ZNF740: variants seen among roughly 807,000 people sequenced by gnomAD.
ZNF740 encodes zinc finger protein 740, also known as oriLyt TD-element-binding protein 7.
A neutral mutation model predicts 24.8 loss-of-function variants in ZNF740; 14 were observed. The ratio of observed to expected loss-of-function variants is 0.56; its 90% CI spans 0.37 to 0.88. The LOEUF (loss-of-function observed/expected upper bound fraction) is 0.88, where lower values mean the gene tolerates loss of function less well. Among genes scored for constraint, ZNF740 ranks in the 40% least tolerant of loss-of-function variants. The pLI, the probability that ZNF740 is intolerant of heterozygous loss-of-function variation, is 0.00. For synonymous variants in ZNF740, 69 were observed against 84.0 expected (o/e 0.82, Z 0.98); for missense variants, 201 against 247.9 (o/e 0.81, Z 1.27).
At position 53,188,015 on chromosome 12, in the gene ZNF740, C is replaced by T; in HGVS notation, c.*425C>T. ...AACTTCAGCGGGTAAACTGTGGATA[C>T]AGGTAATCCAGAGGCATAAGAGTCC... is the stretch of plus-strand genomic sequence containing the variant. On this transcript the variant is annotated 3_prime_UTR_variant, in exon 7 of 7. Transcript: ENST00000416904. The T allele has an allele frequency of 5.2e-6, 1 of 191,624 alleles. No homozygotes were observed. The highest frequency in any genetic ancestry group is 1.0e-4 in the South Asian group (1 of 9,778). 11.9% of individuals were successfully genotyped at this position (191,624 alleles called of 1,614,324 possible). A position where few individuals can be genotyped will look rare whatever the true frequency, so the allele number is the denominator to read the frequency against.
rs368404777 is a variant in ZNF740, at chr12:53,187,569, C to T, written c.561C>T (p.Ser187=). The change falls in exon 7 of 7, where the codon TCC becomes TCT. Residue 187 remains serine (S), a synonymous_variant. Coordinates refer to ENST00000416904, the MANE Select transcript of ZNF740 (RefSeq NM_001004304.4). ...GCCAAGGGTGCCAGTCCAAGACTTC[C>T]GACGGGCAGTTTTCTCTATAGGCGC... The part of the protein sequence containing the change: ...RMCQGCQSKT[S]DGQFSL 3.8e-5 allele frequency: 61 copies of T among 1,613,828 alleles called. No homozygotes were observed. The highest frequency in any genetic ancestry group is 4.4e-5 in the South Asian group (4 of 91,080).
Position 53,192,391 on chromosome 12 carries a change from G to C in ZNF740, c.*4801G>C, listed in dbSNP as rs764232355. 9 of 1,614,000 alleles carry C rather than the reference G, an allele frequency of 5.6e-6. No individual in the cohort carries two copies. The highest frequency in any genetic ancestry group is 3.3e-5 in the Admixed American group (2 of 59,998). On this transcript the variant is annotated 3_prime_UTR_variant, in exon 7 of 7. Transcript: ENST00000416904. ...TGGCGTCATCCTCCACCAAGAAGAAGAACAGCTGGTTGTCCAGGGTCCGCT... is the reference window on the plus strand; with the variant it reads ...TGGCGTCATCCTCCACCAAGAAGAACAACAGCTGGTTGTCCAGGGTCCGCT...
At position 53,192,340 on chromosome 12, in the gene ZNF740, T is replaced by A. The variant is rs954588399; in HGVS notation, c.*4750T>A. On this transcript the variant is annotated 3_prime_UTR_variant, in exon 7 of 7. Transcript: ENST00000416904. ...TCCCTGCCCACTTACTTTCTTGGGG[T>A]CTCACTCTGAGCACGACCGTGCCTC... is the stretch of plus-strand genomic sequence containing the variant. The A allele has an allele frequency of 3.7e-6, 6 of 1,613,642 alleles. No homozygotes were observed. The African/African-American group carries it at 5.3e-5, about 14-fold the overall frequency.
Position 53,187,578 on chromosome 12 carries a change from G to T in ZNF740, c.570G>T (p.Gln190His), listed in dbSNP as rs1941848183. Residue 190 changes from glutamine to histidine, a missense_variant, in exon 7 of 7, where the codon CAG (glutamine) becomes CAT (histidine). Physicochemically the swap from Gln to His is conservative, Grantham distance 24. This residue lies in a region of ZNF740 where 24 missense variants were observed against 17.8 expected (regional missense o/e 1.35). Coordinates refer to ENST00000416904, the MANE Select transcript of ZNF740 (RefSeq NM_001004304.4). ...GCCAGTCCAAGACTTCCGACGGGCA[G>T]TTTTCTCTATAGGCGCAAGGGGCCC... ...QGCQSKTSDG[Q>H]FSL The T allele has an allele frequency of 6.2e-7, 1 of 1,613,860 alleles. No individual in the cohort carries two copies. The highest frequency in any genetic ancestry group is 1.3e-5 in the African/African-American group (1 of 74,928).
In ZNF740 at chr12:53,186,284, A is replaced by T. The variant is rs878909970; in HGVS notation, c.374-107A>T. The T allele has an allele frequency of 3.3e-6, 4 of 1,195,786 alleles. No individual in the cohort carries two copies. In the South Asian group the frequency reaches 5.8e-5, roughly 17 times the overall value. The allele number at this position is 1,195,786 out of a possible 1,614,324, so 74.1% of individuals were successfully genotyped here. ...TGGGGACCTCTCCCCATTTATGATC[A>T]CTTAGGTGTCTACACATTACTAAGA... is the stretch of plus-strand genomic sequence containing the variant. On this transcript the variant is annotated intron_variant, in intron 5 of 6. Coordinates refer to ENST00000416904, the MANE Select transcript of ZNF740 (RefSeq NM_001004304.4).
In ZNF740 at chr12:53,182,003, C is replaced by T; in HGVS notation, c.9+11C>T. 1 of 1,607,252 alleles carries T rather than the reference C, an allele frequency of 6.2e-7. No individual in the cohort carries two copies. Among genetic ancestry groups the T allele is most frequent in the South Asian group, 1.1e-5 (1 of 89,464 alleles). The stretch of plus-strand genomic sequence containing the variant: ...ATCAGCATGGCTCAGGTAAAAAGCT[C>T]TAGAGTCCTCCTCCAAGATAACTGG... On this transcript the variant is annotated intron_variant, in intron 2 of 6. Transcript: ENST00000416904.
intron 4 of ZNF740, 101 bp downstream of exon 4, chr12:53,185,577 T>A (rs1365433231): frequency 1.8e-6 from 2 of 1,111,326 alleles, no homozygotes; most frequent in African/African-American, 3.1e-5. Context: ...CCCTAGATGC[T>A]TTGATCTCTG....
In ZNF740 at chr12:53,181,914, G is replaced by C; in HGVS notation, c.-70G>C. The C allele has an allele frequency of 6.4e-7, 1 of 1,574,608 alleles. No homozygotes were observed. Among genetic ancestry groups the C allele is most frequent in the Non-Finnish European group, 8.6e-7 (1 of 1,158,142 alleles). ...TGATTTGGTGACAGTTCTTCAAAACGACAGTGTCTCAAGGAAAGGTGGACC... is the reference window on the plus strand; with the variant it reads ...TGATTTGGTGACAGTTCTTCAAAACCACAGTGTCTCAAGGAAAGGTGGACC... On this transcript the variant is annotated 5_prime_UTR_variant, in exon 2 of 7. Transcript: ENST00000416904.
chr12:53,181,411 C>G, intron 1 of ZNF740: 1 of 985,462 alleles, frequency 1.0e-6, no homozygotes. Flanking sequence ...CCCCCTTCTT[C>G]CATTCCTGAG....
At position 53,192,947 on chromosome 12, in the gene ZNF740, CCA is replaced by C. The variant is rs759211981; in HGVS notation, c.*5366_*5367del. 6.3e-7 allele frequency: 1 copy of C among 1,590,428 alleles called. No homozygotes were observed. The highest frequency in any genetic ancestry group is 8.6e-7 in the Non-Finnish European group (1 of 1,160,228). ...CCATGCAGAGGGTGACAACCATACTCCACACACACAGTTGGCCATCATGTGGC... is the reference window on the plus strand; with the variant it reads ...CCATGCAGAGGGTGACAACCATACTCCACACACAGTTGGCCATCATGTGGC... On this transcript the variant is annotated 3_prime_UTR_variant, in exon 7 of 7. Transcript: ENST00000416904.
chr12:53,193,313 A>T lies in ZNF740; in HGVS notation c.*5723A>T, dbSNP rs1942035098. On this transcript the variant is annotated 3_prime_UTR_variant, in exon 7 of 7. Transcript: ENST00000416904. ...CCCAGATTCCAGGTCTGGGGAGGAC[A>T]GCTCTGCCACAGAGCACTCACAGAG... is the stretch of plus-strand genomic sequence containing the variant. The T allele has an allele frequency of 6.2e-7, 1 of 1,609,952 alleles. No individual in the cohort carries two copies. The highest frequency in any genetic ancestry group is 1.3e-5 in the African/African-American group (1 of 74,826).
rs771047649 is a variant in ZNF740 at position 53,192,712 on chromosome 12, T to G, written c.*5122T>G. 3 of 1,614,002 alleles carry G rather than the reference T, an allele frequency of 1.9e-6. No individual in the cohort carries two copies. The African/African-American group carries it at 4.0e-5, about 22-fold the overall frequency. On this transcript the variant is annotated 3_prime_UTR_variant, in exon 7 of 7. Transcript: ENST00000416904. Reference sequence around the variant, plus strand: ...TCACCGGTGTCTCTCGCATGGTGTCTTGCAGCCTGGGCATTGGTCGCATAG... The same window carrying G: ...TCACCGGTGTCTCTCGCATGGTGTCGTGCAGCCTGGGCATTGGTCGCATAG...
At chr12:53,184,144 T>C (rs1480469457) in intron 2 of ZNF740, among the ~76,000 whole-genome samples, 2,655 of 105,200 alleles carry the variant, frequency 0.025, 115 homozygotes, top group African/African-American at 0.094. Flanking sequence ...TGTGTGTGTG[T>C]GTGTGTGCGC....
intron 1 of ZNF740, 114 bp from the exon 2 acceptor site, chr12:53,181,563 G>T: frequency 1.1e-6 from 1 of 943,512 alleles, no homozygotes; most frequent in Non-Finnish European, 1.3e-6. Context: ...CTTGACTCAT[G>T]TCCTCGTTCT....
intron 1 of ZNF740, 200 bp downstream of exon 1, chr12:53,181,037 C>G (rs1381488729): frequency 1.1e-6 from 1 of 884,196 alleles, no homozygotes; most frequent in Admixed American, 6.0e-5. Flanking sequence ...CGCCGCGTCC[C>G]CGGCCCGGGA....
In ZNF740 at chr12:53,192,104, A is replaced by G; in HGVS notation, c.*4514A>G. On this transcript the variant is annotated 3_prime_UTR_variant, in exon 7 of 7. Coordinates refer to ENST00000416904, the MANE Select transcript of ZNF740 (RefSeq NM_001004304.4). ...TGCTCACAGTGTGTCCAGCCTGTCCAACCCTGTCTGTCACTGAAAGCAAAG... is the reference window on the plus strand; with the variant it reads ...TGCTCACAGTGTGTCCAGCCTGTCCGACCCTGTCTGTCACTGAAAGCAAAG... 6.7e-7 allele frequency: 1 copy of G among 1,487,346 alleles called. No homozygotes were observed. Among genetic ancestry groups the G allele is most frequent in the South Asian group, 1.2e-5 (1 of 81,648 alleles). The allele number at this position is 1,487,346 out of a possible 1,614,324, so 92.1% of individuals were successfully genotyped here.
chr12:53,195,071 A>G lies in ZNF740; in HGVS notation c.*7481A>G. 2 of 345,996 alleles carry G rather than the reference A, an allele frequency of 5.8e-6. No homozygotes were observed. Among genetic ancestry groups the G allele is most frequent in the Non-Finnish European group, 1.1e-5 (2 of 186,630 alleles). 21.4% of individuals were successfully genotyped at this position (345,996 alleles called of 1,614,324 possible). On this transcript the variant is annotated 3_prime_UTR_variant, in exon 7 of 7. Transcript: ENST00000416904. ...GAAGCAAGGCTTTTGGCAGGGTTAA[A>G]TGAAGTAGCAAACAGTATGTACACC... is the stretch of plus-strand genomic sequence containing the variant.
chr12:53,181,973 G>A lies in ZNF740; in HGVS notation c.-11G>A, dbSNP rs373427797. ...CCTGAACTTTTGGGTTGCCTTAAGT[G>A]AGAAATCAGCATGGCTCAGGTAAAA... On this transcript the variant is annotated 5_prime_UTR_variant, in exon 2 of 7. Coordinates refer to ENST00000416904, the MANE Select transcript of ZNF740 (RefSeq NM_001004304.4). 1.6e-5 allele frequency: 26 copies of A among 1,607,054 alleles called. No homozygotes were observed. The highest frequency in any genetic ancestry group is 2.2e-5 in the Non-Finnish European group (26 of 1,176,686).
In ZNF740 at chr12:53,192,124, G is replaced by T; in HGVS notation, c.*4534G>T. The T allele has an allele frequency of 7.1e-7, 1 of 1,417,674 alleles. No individual in the cohort carries two copies. Among genetic ancestry groups the T allele is most frequent in the East Asian group, 2.4e-5 (1 of 41,388 alleles). The allele number at this position is 1,417,674 out of a possible 1,614,324, so 87.8% of individuals were successfully genotyped here. ...TGTCCAACCCTGTCTGTCACTGAAAGCAAAGGGAACCCAGGGAGGTCCAAG... is the reference window on the plus strand; with the variant it reads ...TGTCCAACCCTGTCTGTCACTGAAATCAAAGGGAACCCAGGGAGGTCCAAG... On this transcript the variant is annotated 3_prime_UTR_variant, in exon 7 of 7. Coordinates refer to ENST00000416904, the MANE Select transcript of ZNF740 (RefSeq NM_001004304.4).
Sources: gnomAD v4.1 joint callset for allele counts (sites outside exome capture counted in the v4.1 genomes callset) on GRCh38, gnomAD v4.1.1 for gene constraint, gnomAD v4.1.1 regional missense constraint, MANE v1.5 for transcripts, NCBI Gene and HGNC (gene_info 2026-07-23, HGNC 2026-07-21) for gene names.